TNKS: variants seen among roughly 807,000 people sequenced by gnomAD.
TNKS encodes the protein poly [ADP-ribose] polymerase tankyrase-1.
A neutral mutation model predicts 135.8 loss-of-function variants in TNKS; 72 were observed. That is an observed-to-expected ratio of 0.53 (90% CI 0.44 to 0.64). TNKS has a LOEUF of 0.64. TNKS is among the 30% of genes least tolerant of loss of function. The probability of loss-of-function intolerance (pLI) is 0.00; values close to 1 mark genes in which losing one functional copy is unlikely to be tolerated. For synonymous variants in TNKS, 849 were observed against 649.3 expected (o/e 1.31, Z -4.68); for missense variants, 1,769 against 1,674.0 (o/e 1.06, Z -0.99).
chr8:9,767,692 G>C lies in TNKS; in HGVS notation c.3740+1267G>C, dbSNP rs988347115. Reference sequence around the variant, plus strand: ...GAGAAATTTTCGGCTGGGCATGGTGGCTCACACCTGTAATCCCAGCACTTT... The same window carrying C: ...GAGAAATTTTCGGCTGGGCATGGTGCCTCACACCTGTAATCCCAGCACTTT... On this transcript the variant is annotated intron_variant, in intron 25 of 26. Transcript: ENST00000310430. Among the ~76,000 whole-genome samples the C allele has an allele frequency of 3.9e-5, 6 of 152,068 alleles. No homozygotes were observed. In the East Asian group the frequency reaches 1.2e-3, roughly 29 times the overall value.
Position 9,733,426 on chromosome 8 carries a change from C to G in TNKS, c.2295C>G (p.Ile765Met), listed in dbSNP as rs771139097. The G allele has an allele frequency of 1.2e-6, 2 of 1,613,216 alleles. No individual in the cohort carries two copies. Among genetic ancestry groups the G allele is most frequent in the East Asian group, 4.5e-5 (2 of 44,800 alleles). Reference protein sequence around the residue: ...HEAAAKGKYEICKLLLKHGAD... With the variant: ...HEAAAKGKYEMCKLLLKHGAD... Reference sequence around the variant, plus strand: ...CAGCAGCTAAAGGAAAGTATGAAATCTGCAAGCTCCTTTTAAAAGTATGTA... The same window carrying G: ...CAGCAGCTAAAGGAAAGTATGAAATGTGCAAGCTCCTTTTAAAAGTATGTA... Residue 765 changes from isoleucine (I) to methionine (M), a missense_variant, in exon 15 of 27, where the codon ATC (isoleucine) becomes ATG (methionine). Physicochemically the swap from Ile to Met is conservative, Grantham distance 10 (BLOSUM62 1). Coordinates refer to ENST00000310430, the MANE Select transcript of TNKS (RefSeq NM_003747.3).
At chr8:9,615,451 C>A in intron 2 of TNKS, 131 bp from the exon 3 acceptor site, 1 of 650,206 alleles carries the variant, frequency 1.5e-6, no homozygotes, top group South Asian at 3.0e-5. Flanking sequence ...TGCTTTTTTT[C>A]TTTTTTTTTC....
rs758419770 is a variant in TNKS at position 9,765,782 on chromosome 8, C to A, written c.3538C>A (p.Arg1180Ser). ...GGAGAATCACAACCATCACAATGAG[C>A]GCATGTTGTTTCATGGTAAGCAGCG... ...SEENHNHHNE[R>S]MLFHGSPFIN... is the part of the protein sequence containing the mutation. Residue 1180 changes from arginine (R) to serine (S), a missense_variant, in exon 24 of 27, where the codon CGC becomes AGC. This residue lies in a region of TNKS where 722 missense variants were observed against 688.9 expected (regional missense o/e 1.05). Coordinates refer to ENST00000310430, the MANE Select transcript of TNKS (RefSeq NM_003747.3). The A allele has an allele frequency of 1.2e-6, 2 of 1,613,700 alleles. No homozygotes were observed. The highest frequency in any genetic ancestry group is 2.2e-5 in the South Asian group (2 of 91,038).
rs184463028 is a variant in TNKS at position 9,630,555 on chromosome 8, C to A, written c.994+14878C>A. ...TACTCTTCAAATAATTAGATAGTTA[C>A]AAAAAACCCCAGCAAATCCCCATCA... On this transcript the variant is annotated intron_variant, in intron 3 of 26. Coordinates refer to ENST00000310430, the MANE Select transcript of TNKS (RefSeq NM_003747.3). 1.3e-4 allele frequency among the ~76,000 whole-genome samples: 20 copies of A among 152,192 alleles called. No homozygotes were observed. In the East Asian group the frequency reaches 3.9e-3, roughly 29 times the overall value.
chr8:9,762,904 CAAAA>C (rs148458789), intron 21 of TNKS, among the ~76,000 whole-genome samples: 3 of 112,220 alleles, frequency 2.7e-5, no homozygotes, highest in Admixed American at 9.0e-5. Flanking sequence ...GGCTCCGTCT[CAAAA>C]AAAAAAAAAA....
intron 20 of TNKS, among the ~76,000 whole-genome samples, chr8:9,760,026 A>G (rs923376532): frequency 6.6e-6 from 1 of 152,078 alleles, no homozygotes; most frequent in Non-Finnish European, 1.5e-5. Context: ...AGAATTCTCT[A>G]AGTTGAAGTT....
At chr8:9,736,051 G>C (rs1805684872) in intron 17 of TNKS, among the ~76,000 whole-genome samples, 1 of 146,672 alleles carries the variant, frequency 6.8e-6, no homozygotes, top group Non-Finnish European at 1.5e-5. Flanking sequence ...GCATGTAATG[G>C]GTGCTCAGTT....
intron 1 of TNKS, chr8:9,558,864 T>C (rs1340175737): frequency 6.6e-6 from 1 of 152,174 alleles, no homozygotes. Context: ...GCTTCCGTGA[T>C]TGAATTCGTA....
chr8:9,682,946 G>A (rs1240760282), intron 5 of TNKS, among the ~76,000 whole-genome samples: 1 of 151,812 alleles, frequency 6.6e-6, no homozygotes, highest in Non-Finnish European at 1.5e-5. Flanking sequence ...TATAAATAAT[G>A]CAATAATGTT....
chr8:9,703,059 G>A (rs976817756), intron 5 of TNKS, among the ~76,000 whole-genome samples: 7 of 152,092 alleles, frequency 4.6e-5, no homozygotes, highest in Non-Finnish European at 1.0e-4. Context: ...GTTTCTGTAT[G>A]GGTGAAAACT....
At chr8:9,608,740 G>A (rs974899829) in intron 2 of TNKS, among the ~76,000 whole-genome samples, 1 of 152,162 alleles carries the variant, frequency 6.6e-6, no homozygotes, top group Non-Finnish European at 1.5e-5. Context: ...TGTCTTCTCA[G>A]TTCAGTGTAA....
At chr8:9,683,217 G>A (rs559353583) in intron 5 of TNKS, among the ~76,000 whole-genome samples, 66 of 151,974 alleles carry the variant, frequency 4.3e-4, no homozygotes, top group African/African-American at 1.5e-3. Flanking sequence ...ATGGAGATTG[G>A]GACAAGATCC....
intron 1 of TNKS, among the ~76,000 whole-genome samples, chr8:9,562,828 T>G (rs2129049641): frequency 6.6e-6 from 1 of 152,118 alleles, no homozygotes; most frequent in South Asian, 2.1e-4. Context: ...TTTTTTTTCT[T>G]TCTAGATGGG....
At chr8:9,648,444 T>C (rs189798019) in intron 3 of TNKS, among the ~76,000 whole-genome samples, 2 of 152,332 alleles carry the variant, frequency 1.3e-5, no homozygotes, top group East Asian at 3.9e-4. Context: ...CAAAAACACA[T>C]GTTAGTCTAG....
chr8:9,579,611 G>T (rs1483189563), intron 1 of TNKS, among the ~76,000 whole-genome samples: 1 of 152,116 alleles, frequency 6.6e-6, no homozygotes, highest in Non-Finnish European at 1.5e-5. Flanking sequence ...TGGGATTACA[G>T]GTGCCTGCCA....
At chr8:9,577,393 C>T (rs1244798447) in intron 1 of TNKS, among the ~76,000 whole-genome samples, 1 of 151,736 alleles carries the variant, frequency 6.6e-6, no homozygotes, top group Non-Finnish European at 1.5e-5. Flanking sequence ...ACTACCTGAG[C>T]CTGGGTAATT....
intron 3 of TNKS, among the ~76,000 whole-genome samples, chr8:9,669,048 T>G (rs557297225): frequency 2.0e-3 from 305 of 151,702 alleles, no homozygotes; most frequent in Non-Finnish European, 3.4e-3. Flanking sequence ...GATTAAGGAG[T>G]AATTTAGGGA....
intron 1 of TNKS, among the ~76,000 whole-genome samples, chr8:9,579,842 C>A (rs7834823): frequency 0.29 from 43,402 of 152,018 alleles, 6,586 homozygotes; most frequent in East Asian, 0.38. Context: ...GTTGTGAAGC[C>A]TGAGGGGAAA....
intron 1 of TNKS, among the ~76,000 whole-genome samples, chr8:9,571,339 C>G (rs1273293852): frequency 6.6e-6 from 1 of 152,160 alleles, no homozygotes; most frequent in Non-Finnish European, 1.5e-5. Context: ...TGGTAATCGT[C>G]TTAGTCTTCA....
Sources: allele counts gnomAD v4.1 joint callset (sites outside exome capture counted in the v4.1 genomes callset), GRCh38; gene constraint gnomAD v4.1.1; regional missense constraint gnomAD v4.1.1; transcripts MANE v1.5; gene names NCBI Gene and HGNC (gene_info 2026-07-23, HGNC 2026-07-21).